ARFGEF1: variants seen among roughly 807,000 people sequenced by gnomAD.
The protein encoded by ARFGEF1 is brefeldin A-inhibited guanine nucleotide-exchange protein 1.
ARFGEF1 carries 42 observed loss-of-function variants against 231.0 expected under a neutral mutation model. The observed-to-expected ratio is 0.18, with a 90% confidence interval of 0.14 to 0.24. The LOEUF (loss-of-function observed/expected upper bound fraction) is 0.24, where lower values mean the gene tolerates loss of function less well. Ranked by LOEUF, ARFGEF1 falls within the 10% of genes least tolerant of loss-of-function variation. ARFGEF1 has a pLI of 1.00. For synonymous variants in ARFGEF1, 710 were observed against 732.3 expected, an observed-to-expected ratio of 0.97 and a Z score of 0.49; for missense variants, 1,345 against 2,192.0, an observed-to-expected ratio of 0.61 and a Z score of 7.72.
chr8:67,306,448 G>C (rs1350594737), intron 1 of ARFGEF1, among the ~76,000 whole-genome samples: 2 of 152,092 alleles, frequency 1.3e-5, no homozygotes. Flanking sequence ...TAATAAACAG[G>C]AAAGACTTTT....
downstream of ARFGEF1, chr8:67,193,572 A>C (rs1351267364): frequency 1.2e-6 from 2 of 1,613,626 alleles, no homozygotes; most frequent in Admixed American, 3.3e-5. Flanking sequence ...GCGAAGACTG[A>C]ATGAATTTCA....
intron 1 of ARFGEF1, among the ~76,000 whole-genome samples, chr8:67,334,284 C>CAAAAAAAAAAA (rs35170687): frequency 9.5e-6 from 1 of 104,950 alleles, no homozygotes; most frequent in African/African-American, 3.4e-5. Context: ...TTCCAAAGTC[C>CAAAAAAAAAAA]AAAAAAAAAA....
Position 67,258,226 on chromosome 8 carries a change from A to C in ARFGEF1, c.2300T>G (p.Val767Gly), listed in dbSNP as rs1367498986. 1 of 1,610,904 alleles carries C rather than the reference A, an allele frequency of 6.2e-7. No individual in the cohort carries two copies. Among genetic ancestry groups the C allele is most frequent in the African/African-American group, 1.3e-5 (1 of 74,886 alleles). ...TTTTCCTGAAAAGTCATGTTGGTCC[A>C]CATATGCATACATGACTTCTTTGTT... Reference protein sequence around the residue: ...KFNKEVMYAYVDQHDFSGKDF... With the variant: ...KFNKEVMYAYGDQHDFSGKDF... Residue 767 changes from valine (V) to glycine (G), a missense_variant, in exon 16 of 39, where the codon GTG (valine) becomes GGG (glycine). Physicochemically the swap from Val to Gly is moderately radical, Grantham distance 109 (BLOSUM62 -3). Around this residue, in one of 14 missense-constraint regions of ARFGEF1, gnomAD observed 105 missense variants for 159.3 expected, o/e 0.66. Transcript: ENST00000262215.
Position 67,198,700 on chromosome 8 carries a change from C to G in ARFGEF1, c.*234G>C, listed in dbSNP as rs1294292864. 1 of 1,273,086 alleles carries G rather than the reference C, an allele frequency of 7.9e-7. No homozygotes were observed. Among genetic ancestry groups the G allele is most frequent in the Non-Finnish European group, 9.9e-7 (1 of 1,008,052 alleles). 78.9% of individuals were successfully genotyped at this position (1,273,086 alleles called of 1,614,324 possible). On this transcript the variant is annotated 3_prime_UTR_variant, in exon 39 of 39. Transcript: ENST00000262215. ...ACAGGGAAGGACCCGTGAGCATGAG[C>G]TGACACTGTTTAAACAGGCTTTCTG...
At chr8:67,245,936 G>C (rs1343031922) in intron 19 of ARFGEF1, among the ~76,000 whole-genome samples, 1 of 150,420 alleles carries the variant, frequency 6.6e-6, no homozygotes, top group Non-Finnish European at 1.5e-5. Flanking sequence ...GCAAAAAAGA[G>C]CAGGAGTAGC....
At chr8:67,190,500 A>C in intron 5 of ARFGEF1, 1 of 619,824 alleles carries the variant, frequency 1.6e-6, no homozygotes, top group South Asian at 2.0e-5. Flanking sequence ...TAAATTTACT[A>C]AAAAAATCAC....
At chr8:67,193,503 C>T (rs750823476), downstream of ARFGEF1, 5 of 1,613,414 alleles carry the variant, frequency 3.1e-6, no homozygotes, top group Non-Finnish European at 4.2e-6. Flanking sequence ...TGGTCTCTCT[C>T]TAAAATCTAT....
At chr8:67,238,581 C>A (rs1839838556) in intron 21 of ARFGEF1, 88 bp from the exon 22 acceptor site, 2 of 1,420,786 alleles carry the variant, frequency 1.4e-6, no homozygotes, top group Non-Finnish European at 1.9e-6. Flanking sequence ...GACTTAAACA[C>A]AGACTACACT....
At chr8:67,291,050 T>G (rs1363943070) in intron 6 of ARFGEF1, among the ~76,000 whole-genome samples, 1 of 152,056 alleles carries the variant, frequency 6.6e-6, no homozygotes, top group Non-Finnish European at 1.5e-5. Flanking sequence ...GAACTGTAAC[T>G]GACTCCTAAC....
At chr8:67,220,689 TCCC>T (rs1276695483) in intron 29 of ARFGEF1, among the ~76,000 whole-genome samples, 3 of 152,016 alleles carry the variant, frequency 2.0e-5, no homozygotes, top group Admixed American at 6.5e-5. Context: ...AACCCATAGT[TCCC>T]TCCTTGCAAT....
At chr8:67,327,350 C>G (rs373343897) in intron 1 of ARFGEF1, among the ~76,000 whole-genome samples, 40 of 134,162 alleles carry the variant, frequency 3.0e-4, no homozygotes, top group African/African-American at 1.1e-3. Flanking sequence ...GACAGAGTTT[C>G]GCTGTTGCCC....
chr8:67,271,967 G>A, intron 9 of ARFGEF1, 31 bp from the exon 10 acceptor site: 1 of 1,398,066 alleles, frequency 7.2e-7, no homozygotes, highest in Non-Finnish European at 9.9e-7. Context: ...CATAGTATAT[G>A]AACAAGGTTG....
At chr8:67,311,497 C>T (rs1380498773) in intron 1 of ARFGEF1, among the ~76,000 whole-genome samples, 1 of 146,348 alleles carries the variant, frequency 6.8e-6, no homozygotes, top group Non-Finnish European at 1.5e-5. Context: ...CCAGCCGCCC[C>T]GTCCGGGAGG....
chr8:67,339,777 C>T (rs1808520079), intron 1 of ARFGEF1, among the ~76,000 whole-genome samples: 1 of 14,860 alleles, frequency 6.7e-5, no homozygotes, highest in Non-Finnish European at 1.3e-4. Context: ...TCAGTTGTAA[C>T]AGTGTAACAG....
intron 34 of ARFGEF1, among the ~76,000 whole-genome samples, chr8:67,210,939 G>A (rs1203351304): frequency 1.3e-5 from 2 of 151,540 alleles, no homozygotes; most frequent in East Asian, 3.9e-4. Flanking sequence ...TGTAATCCCA[G>A]CTACTCGGGA....
chr8:67,187,195 A>G (rs920152133), intron 5 of ARFGEF1, among the ~76,000 whole-genome samples: 6 of 152,230 alleles, frequency 3.9e-5, no homozygotes, highest in African/African-American at 1.4e-4. Flanking sequence ...CCAGCAAGTT[A>G]TTATGTGGAT....
At chr8:67,307,592 A>AGG (rs1362802026) in intron 1 of ARFGEF1, among the ~76,000 whole-genome samples, 1 of 152,210 alleles carries the variant, frequency 6.6e-6, no homozygotes, top group African/African-American at 2.4e-5. Flanking sequence ...CTCAATGTGC[A>AGG]GGGGTAGAGC....
chr8:67,222,182 C>CAGATAT (rs1409227736), intron 29 of ARFGEF1, among the ~76,000 whole-genome samples: 1 of 117,740 alleles, frequency 8.5e-6, no homozygotes, highest in African/African-American at 3.9e-5. Flanking sequence ...TATATATACA[C>CAGATAT]ATATATATAT....
chr8:67,208,674 GACA>G (rs1233717816), intron 34 of ARFGEF1, among the ~76,000 whole-genome samples: 3 of 141,314 alleles, frequency 2.1e-5, no homozygotes, highest in South Asian at 2.3e-4. Flanking sequence ...CTTCATAGAA[GACA>G]ACATTGGGGG....
Sources: gnomAD v4.1 joint callset for allele counts (sites outside exome capture counted in the v4.1 genomes callset) on GRCh38, gnomAD v4.1.1 for gene constraint, gnomAD v4.1.1 regional missense constraint, MANE v1.5 for transcripts, NCBI Gene and HGNC (gene_info 2026-07-23, HGNC 2026-07-21) for gene names.